POLN: variants seen among roughly 807,000 people sequenced by gnomAD.
POLN encodes the protein DNA polymerase nu, also known as DNA polymerase N.
In POLN, 108 loss-of-function variants were observed where a neutral mutation model predicts 113.5. The observed-to-expected ratio is 0.95, with a 90% CI of 0.81 to 1.12. The LOEUF is 1.12. POLN is among the 50% of genes most tolerant of loss of function. The pLI is 0.00. For missense variants in POLN, 1,097 were observed against 1,077.1 expected (o/e 1.02, Z -0.26); for synonymous variants, 386 against 391.5 (o/e 0.99, Z 0.17).
chr4:2,230,709 T>C (rs1478336259), intron 2 of POLN: 2 of 152,054 alleles, frequency 1.3e-5, no homozygotes, highest in Admixed American at 1.3e-4. Flanking sequence ...ATGTAGTTTT[T>C]AGATTGGCAT....
At chr4:2,149,549 T>C (rs549368814) in intron 16 of POLN, among the ~76,000 whole-genome samples, 2 of 152,128 alleles carry the variant, frequency 1.3e-5, no homozygotes, top group South Asian at 2.1e-4. Flanking sequence ...TTTCTTATTA[T>C]TGGAATCTAT....
rs1018427109 is a variant in POLN, at chr4:2,073,761, C to T, written c.2456-732G>A. On this transcript the variant is annotated intron_variant, in intron 24 of 25. Transcript: ENST00000511885. ...AAAGATGGCGGCAGGAGCCCCAAGC[C>T]GTGGTGGGCGCCACCTCACTTTCCA... Among the ~76,000 whole-genome samples, 6 of 152,350 alleles carry T rather than the reference C, an allele frequency of 3.9e-5. No individual in the cohort carries two copies. In the South Asian group the frequency reaches 8.3e-4, roughly 21 times the overall value.
At chr4:2,080,069 G>A (rs890662676) in intron 23 of POLN, 1 of 985,414 alleles carries the variant, frequency 1.0e-6, no homozygotes, top group Non-Finnish European at 1.2e-6. Flanking sequence ...AACGTCCATG[G>A]TGTGTCAGAG....
chr4:2,123,025 G>A (rs1036590578), intron 19 of POLN, among the ~76,000 whole-genome samples: 1 of 152,146 alleles, frequency 6.6e-6, no homozygotes, highest in African/African-American at 2.4e-5. Context: ...AGGCATGCTG[G>A]CATGTGCCTG....
intron 19 of POLN, among the ~76,000 whole-genome samples, chr4:2,109,696 C>T (rs955417961): frequency 1.3e-5 from 2 of 152,028 alleles, no homozygotes; most frequent in African/African-American, 4.8e-5. Context: ...TAGTAATTGG[C>T]TTTCTTATGC....
intron 2 of POLN, among the ~76,000 whole-genome samples, chr4:2,233,790 A>G (rs1734663341): frequency 6.6e-6 from 1 of 152,234 alleles, no homozygotes; most frequent in South Asian, 2.1e-4. Context: ...GGTTTAACTA[A>G]GAGTTTTTCT....
chr4:2,133,297 C>T (rs752308005), intron 16 of POLN, among the ~76,000 whole-genome samples: 19 of 152,084 alleles, frequency 1.2e-4, no homozygotes, highest in Non-Finnish European at 2.9e-5. Flanking sequence ...CCATATGATC[C>T]AGCAATTCCA....
chr4:2,080,378 C>A, intron 23 of POLN: 2 of 1,023,596 alleles, frequency 2.0e-6, no homozygotes, highest in Non-Finnish European at 2.3e-6. Context: ...CCCCCCCCCA[C>A]CAAGGCACAT....
At chr4:2,083,732 C>T (rs35175633) in intron 21 of POLN, among the ~76,000 whole-genome samples, 18 of 152,372 alleles carry the variant, frequency 1.2e-4, no homozygotes, top group African/African-American at 4.3e-4. Flanking sequence ...AGCAGGGGAC[C>T]ACAGGAACAC....
intron 19 of POLN, among the ~76,000 whole-genome samples, chr4:2,106,602 A>G (rs984733304): frequency 2.6e-5 from 4 of 152,238 alleles, no homozygotes; most frequent in Non-Finnish European, 5.9e-5. Context: ...ATCAGTAAAC[A>G]GAAAGCCCAG....
chr4:2,075,914 C>T (rs959507244), intron 23 of POLN, among the ~76,000 whole-genome samples: 4 of 152,172 alleles, frequency 2.6e-5, no homozygotes, highest in Admixed American at 6.5e-5. Flanking sequence ...GAAGTCTGGG[C>T]AGGGATGGAA....
chr4:2,171,612 T>C (rs1438996028), intron 11 of POLN, among the ~76,000 whole-genome samples: 1 of 151,124 alleles, frequency 6.6e-6, no homozygotes, highest in Non-Finnish European at 1.5e-5. Flanking sequence ...AAAAGAGTAA[T>C]AAATAACCTA....
rs1316278638 is a variant in POLN, at chr4:2,179,154, C to G, written c.1179+154G>C. Among the ~76,000 whole-genome samples the G allele has an allele frequency of 2.0e-5, 3 of 152,172 alleles. No individual in the cohort carries two copies. In the East Asian group the frequency reaches 5.8e-4, roughly 29 times the overall value. Reference sequence around the variant, plus strand: ...CCTATCCTTATTCAACATCCTCCACCAGAAATGCCAAGGTCACAACTATTT... The same window carrying G: ...CCTATCCTTATTCAACATCCTCCACGAGAAATGCCAAGGTCACAACTATTT... On this transcript the variant is annotated intron_variant, in intron 8 of 25. Transcript: ENST00000511885.
chr4:2,169,049 C>G (rs972289985), intron 13 of POLN, among the ~76,000 whole-genome samples: 1 of 152,142 alleles, frequency 6.6e-6, no homozygotes, highest in Non-Finnish European at 1.5e-5. Context: ...AATGTTTAAG[C>G]TGACAATCAG....
intron 16 of POLN, among the ~76,000 whole-genome samples, chr4:2,151,949 G>C (rs151253062): frequency 6.6e-6 from 1 of 152,188 alleles, no homozygotes; most frequent in East Asian, 1.9e-4. Context: ...TTTCTCTTAG[G>C]AGGGGGTGTG....
chr4:2,078,552 G>C (rs1048343514), intron 23 of POLN: 3 of 979,718 alleles, frequency 3.1e-6, no homozygotes. Context: ...CTCACTCTAG[G>C]GGCACCGTGT....
chr4:2,123,814 C>G (rs1432804276), intron 19 of POLN, among the ~76,000 whole-genome samples: 5 of 151,092 alleles, frequency 3.3e-5, no homozygotes, highest in African/African-American at 4.9e-5. Context: ...CAAAAAAAAA[C>G]CAAAACCGAA....
At chr4:2,212,927 TC>T in intron 4 of POLN, 119 bp downstream of exon 4, 2 of 543,716 alleles carry the variant, frequency 3.7e-6, no homozygotes, top group Non-Finnish European at 5.8e-6. Context: ...CAAGAACGCC[TC>T]TTTTTTTTTT....
At chr4:2,197,499 AG>A (rs1184741894) in intron 6 of POLN, among the ~76,000 whole-genome samples, 1 of 152,210 alleles carries the variant, frequency 6.6e-6, no homozygotes, top group African/African-American at 2.4e-5. Flanking sequence ...GGCAGGGTCC[AG>A]GGAAGACAGG....
Sources: allele counts gnomAD v4.1 joint callset (sites outside exome capture counted in the v4.1 genomes callset), GRCh38; gene constraint gnomAD v4.1.1; transcripts MANE v1.5; gene names NCBI Gene and HGNC (gene_info 2026-07-23, HGNC 2026-07-21).